GDPD5: variants seen among roughly 807,000 people sequenced by gnomAD.
The protein encoded by GDPD5 is glycerophosphodiester phosphodiesterase 2.
A neutral mutation model predicts 75.1 loss-of-function variants in GDPD5; 48 were observed. The observed-to-expected ratio is 0.64, with a 90% CI of 0.51 to 0.81. The LOEUF is 0.81. GDPD5 is among the 40% of genes least tolerant of loss of function. GDPD5 has a pLI of 0.00. For synonymous variants in GDPD5, 336 were observed against 339.0 expected (o/e 0.99, Z 0.10); for missense variants, 706 against 822.6 (o/e 0.86, Z 1.73).
chr11:75,489,518 C>G (rs1014589326), intron 2 of GDPD5, among the ~76,000 whole-genome samples: 2 of 152,220 alleles, frequency 1.3e-5, no homozygotes, highest in African/African-American at 4.8e-5. Flanking sequence ...AAGGTTCATG[C>G]TAATTCCATG....
chr11:75,503,609 G>A (rs1333275107), intron 1 of GDPD5, among the ~76,000 whole-genome samples: 2 of 152,212 alleles, frequency 1.3e-5, no homozygotes. Context: ...GGGAGTGGTT[G>A]CTGAATAAAT....
chr11:75,440,039 CA>C, intron 14 of GDPD5, 78 bp from the exon 15 acceptor site: 1 of 1,087,806 alleles, frequency 9.2e-7, no homozygotes, highest in Non-Finnish European at 1.4e-6. Context: ...GTCCGTGGAC[CA>C]AAGGACCCCA....
intron 1 of GDPD5, among the ~76,000 whole-genome samples, chr11:75,515,709 G>A (rs774461315): frequency 6.6e-5 from 10 of 152,218 alleles, no homozygotes; most frequent in Non-Finnish European, 1.5e-4. Context: ...GGCTGGGGCC[G>A]CTGCTCTGTG....
At chr11:75,447,453 G>A (rs1456485081) in intron 9 of GDPD5, among the ~76,000 whole-genome samples, 1 of 152,030 alleles carries the variant, frequency 6.6e-6, no homozygotes, top group Non-Finnish European at 1.5e-5. Context: ...TGGGTAAGAC[G>A]ATGCGATGCC....
At chr11:75,456,905 T>G in intron 5 of GDPD5, 89 bp from the exon 6 acceptor site, 5 of 1,318,198 alleles carry the variant, frequency 3.8e-6, no homozygotes, top group Non-Finnish European at 5.5e-6. Context: ...CCACTGCGGC[T>G]CTGGGCCTGA....
chr11:75,513,164 T>C (rs142067741), intron 1 of GDPD5, among the ~76,000 whole-genome samples: 149 of 152,236 alleles, frequency 9.8e-4, no homozygotes, highest in Non-Finnish European at 1.8e-3. Flanking sequence ...GGAGGACCAA[T>C]TTAAATCATT....
Position 75,496,843 on chromosome 11 carries a change from C to T in GDPD5, c.-144-6523G>A, listed in dbSNP as rs567999996. ...TTATTCAGGCTGGAGTGCAGTGGCG[C>T]GATCACAGCTCACTGCAACCTCCGC... On this transcript the variant is annotated intron_variant, in intron 1 of 16. Transcript: ENST00000336898. Among the ~76,000 whole-genome samples the T allele has an allele frequency of 2.6e-4, 34 of 130,864 alleles. No homozygotes were observed. In the South Asian group the frequency reaches 3.8e-3, roughly 15 times the overall value. The allele number at this position is 130,864 out of a possible 152,430, so 85.9% of individuals were successfully genotyped here. A position where few individuals can be genotyped will look rare whatever the true frequency, so the allele number is the denominator to read the frequency against.
At chr11:75,470,212 G>T (rs1212480742) in intron 3 of GDPD5, among the ~76,000 whole-genome samples, 2 of 152,194 alleles carry the variant, frequency 1.3e-5, no homozygotes, top group East Asian at 3.8e-4. Flanking sequence ...GGGCGTGAAG[G>T]CACAGAGCAA....
At chr11:75,512,949 A>G (rs1243429039) in intron 1 of GDPD5, among the ~76,000 whole-genome samples, 1 of 152,200 alleles carries the variant, frequency 6.6e-6, no homozygotes, top group Non-Finnish European at 1.5e-5. Context: ...TTCTTCTGGA[A>G]AAATGTTTCT....
At position 75,450,480 on chromosome 11, in the gene GDPD5, C is replaced by T. The variant is rs11236433; in HGVS notation, c.376-497G>A. 1,609 of 161,536 alleles carry T rather than the reference C, an allele frequency of 1.0e-2. 17 individuals carry two copies. The highest frequency in any genetic ancestry group is 0.017 in the Admixed American group (289 of 16,610). 10.0% of individuals were successfully genotyped at this position (161,536 alleles called of 1,614,324 possible). On this transcript the variant is annotated intron_variant, in intron 6 of 16. Transcript: ENST00000336898. ...CCTGGAGTGCAGCCCAGCCTGGCAC[C>T]CTGGGCTGGGCTCACAGTGGCACTT...
At chr11:75,451,408 G>GGAAGC (rs1349025357) in intron 6 of GDPD5, 1 of 152,304 alleles carries the variant, frequency 6.6e-6, no homozygotes, top group African/African-American at 2.4e-5. Flanking sequence ...CTCACACACG[G>GGAAGC]GAAGCGAGGT....
rs1157384518 is a variant in GDPD5, at chr11:75,525,338, G to C, written c.-273C>G. 2 of 152,376 alleles carry C rather than the reference G, an allele frequency of 1.3e-5. No individual in the cohort carries two copies. The highest frequency in any genetic ancestry group is 2.9e-5 in the Non-Finnish European group (2 of 68,156). 9.4% of individuals were successfully genotyped at this position (152,376 alleles called of 1,614,324 possible). On this transcript the variant is annotated 5_prime_UTR_variant, in exon 1 of 17. Coordinates refer to ENST00000336898, the MANE Select transcript of GDPD5 (RefSeq NM_030792.8). Reference sequence around the variant, plus strand: ...CCTGGGCTCGCGGCACCAGCCCGGCGGTTCGGTCCGACTGTCCTGCCCGCC... The same window carrying C: ...CCTGGGCTCGCGGCACCAGCCCGGCCGTTCGGTCCGACTGTCCTGCCCGCC...
At chr11:75,519,556 C>T (rs190616812) in intron 1 of GDPD5, among the ~76,000 whole-genome samples, 2 of 152,328 alleles carry the variant, frequency 1.3e-5, no homozygotes, top group Admixed American at 6.5e-5. Flanking sequence ...ACTGAGTGCT[C>T]ATTATGTGCT....
At position 75,435,663 on chromosome 11, in the gene GDPD5, G is replaced by T; in HGVS notation, c.1670-8C>A. ...CTACACCATCGCTGATCTCTGCTGGGCCAGAGGGAGACAGAATGTGAGTCG... is the reference window on the plus strand; with the variant it reads ...CTACACCATCGCTGATCTCTGCTGGTCCAGAGGGAGACAGAATGTGAGTCG... On this transcript the variant is annotated splice_region_variant and splice_polypyrimidine_tract_variant and intron_variant, in intron 16 of 16. Transcript: ENST00000336898. 6.3e-7 allele frequency: 1 copy of T among 1,591,310 alleles called. No homozygotes were observed.
chr11:75,498,202 G>A (rs1450704196), intron 1 of GDPD5, among the ~76,000 whole-genome samples: 2 of 152,194 alleles, frequency 1.3e-5, no homozygotes, highest in African/African-American at 2.4e-5. Flanking sequence ...GATCCCATGA[G>A]GGCTAACCCA....
intron 2 of GDPD5, chr11:75,479,630 C>G (rs1425885533): frequency 6.6e-6 from 1 of 152,160 alleles, no homozygotes; most frequent in Non-Finnish European, 1.5e-5. Context: ...ACAACCATCA[C>G]CACTATCTAA....
chr11:75,449,745 G>T, intron 7 of GDPD5, 135 bp from the exon 8 acceptor site: 1 of 1,245,858 alleles, frequency 8.0e-7, no homozygotes, highest in Non-Finnish European at 1.2e-6. Flanking sequence ...GGGAGCCTCA[G>T]GACCCTGGTG....
chr11:75,497,661 A>G (rs371983169), intron 1 of GDPD5, among the ~76,000 whole-genome samples: 1 of 152,302 alleles, frequency 6.6e-6, no homozygotes, highest in African/African-American at 2.4e-5. Context: ...TAGGTACTCA[A>G]TACATGGGTA....
At chr11:75,498,283 G>C (rs1023177059) in intron 1 of GDPD5, among the ~76,000 whole-genome samples, 29 of 152,198 alleles carry the variant, frequency 1.9e-4, no homozygotes, top group Admixed American at 1.8e-3. Context: ...CAGCCAGGAA[G>C]GGCAACCTGT....
Sources: gnomAD v4.1 joint callset for allele counts (sites outside exome capture counted in the v4.1 genomes callset) on GRCh38, gnomAD v4.1.1 for gene constraint, MANE v1.5 for transcripts, NCBI Gene and HGNC (gene_info 2026-07-23, HGNC 2026-07-21) for gene names.